The following CNOT6L variants were observed in gnomAD, a reference collection of about 807,000 sequenced individuals.
The protein encoded by CNOT6L is CCR4-NOT transcription complex subunit 6-like.
In CNOT6L, 7 loss-of-function variants were observed where a neutral mutation model predicts 64.0. That is an observed-to-expected ratio of 0.11 (90% CI 0.06 to 0.21). The LOEUF (loss-of-function observed/expected upper bound fraction) is 0.21. Ranked by LOEUF, CNOT6L falls within the 10% of genes least tolerant of loss-of-function variation. CNOT6L has a pLI of 1.00. For synonymous variants in CNOT6L, 193 were observed against 243.4 expected (o/e 0.79, Z 1.93); for missense variants, 245 against 669.0 (o/e 0.37, Z 6.99).
chr4:77,798,190 C>T (rs1238229995), intron 1 of CNOT6L, among the ~76,000 whole-genome samples: 2 of 152,068 alleles, frequency 1.3e-5, no homozygotes, highest in African/African-American at 4.8e-5. Flanking sequence ...AGCCAGGAGC[C>T]TATAGTCCTA....
chr4:77,751,698 T>C (rs1724882958), intron 5 of CNOT6L, among the ~76,000 whole-genome samples: 1 of 152,202 alleles, frequency 6.6e-6, no homozygotes, highest in Admixed American at 6.5e-5. Flanking sequence ...ACTAGATTTC[T>C]TTTAAGAAAC....
intron 10 of CNOT6L, among the ~76,000 whole-genome samples, chr4:77,728,135 A>G (rs1722075941): frequency 1.3e-5 from 2 of 152,240 alleles, no homozygotes; most frequent in Non-Finnish European, 2.9e-5. Context: ...AGTTTAGTGG[A>G]GCTCAAGAAG....
chr4:77,807,747 A>G (rs907898236), intron 1 of CNOT6L, among the ~76,000 whole-genome samples: 3 of 152,246 alleles, frequency 2.0e-5, no homozygotes, highest in Non-Finnish European at 2.9e-5. Context: ...CATAATGCTA[A>G]GAAATTTGCA....
intron 4 of CNOT6L, among the ~76,000 whole-genome samples, chr4:77,768,072 A>G (rs1262313111): frequency 6.6e-6 from 1 of 152,152 alleles, no homozygotes; most frequent in Non-Finnish European, 1.5e-5. Flanking sequence ...GATACAAGAG[A>G]ATATATTTCT....
At chr4:77,758,942 C>T (rs1725861025) in intron 4 of CNOT6L, among the ~76,000 whole-genome samples, 1 of 152,018 alleles carries the variant, frequency 6.6e-6, no homozygotes. Flanking sequence ...ACTTTGACAT[C>T]AAGTAGGGAA....
In CNOT6L at chr4:77,767,062, CAA is replaced by C. The variant is rs56926683; in HGVS notation, c.400+6017_400+6018del. Among the ~76,000 whole-genome samples the C allele has an allele frequency of 3.9e-4, 10 of 25,964 alleles. No individual in the cohort carries two copies. The South Asian group carries it at 6.4e-3, about 17-fold the overall frequency. The allele number at this position is 25,964 out of a possible 152,430, so 17.0% of individuals were successfully genotyped here. A position where few individuals can be genotyped will look rare whatever the true frequency, so the allele number is the denominator to read the frequency against. On this transcript the variant is annotated intron_variant, in intron 4 of 11. Transcript: ENST00000504123. ...TGGGCAACAGAGCGAAACTCCGTCT[CAA>C]AAAAAAAAAAAAAAAAAAAAAAGGG...
At chr4:77,727,567 A>C (rs1420386962) in intron 10 of CNOT6L, among the ~76,000 whole-genome samples, 4 of 2,068 alleles carry the variant, frequency 1.9e-3, no homozygotes, top group African/African-American at 5.1e-3. Context: ...TGTCTCAAAA[A>C]AAAAAAAAAA....
In CNOT6L at chr4:77,819,333, C is replaced by T; in HGVS notation, c.-25G>A. 2 of 1,613,442 alleles carry T rather than the reference C, an allele frequency of 1.2e-6. No individual in the cohort carries two copies. The highest frequency in any genetic ancestry group is 1.3e-5 in the African/African-American group (1 of 75,008). ...TTCTCTTCCTCTGGCCCAGAAGCAA[C>T]AGCAGCCATTTCCCCGCGGCAGGGG... On this transcript the variant is annotated 5_prime_UTR_variant, in exon 1 of 12. Coordinates refer to ENST00000504123, the MANE Select transcript of CNOT6L (RefSeq NM_144571.3).
At chr4:77,809,085 C>T (rs879220632) in intron 1 of CNOT6L, among the ~76,000 whole-genome samples, 13 of 152,084 alleles carry the variant, frequency 8.5e-5, no homozygotes, top group Admixed American at 5.2e-4. Context: ...CAAAACTCTA[C>T]GAGATAAGGA....
intron 1 of CNOT6L, among the ~76,000 whole-genome samples, chr4:77,786,453 C>T (rs1160182841): frequency 1.3e-5 from 2 of 151,818 alleles, no homozygotes. Flanking sequence ...GTCTGTATTG[C>T]TAAAGAAAAT....
At chr4:77,725,360 T>C (rs1721729267) in intron 11 of CNOT6L, among the ~76,000 whole-genome samples, 1 of 152,202 alleles carries the variant, frequency 6.6e-6, no homozygotes, top group African/African-American at 2.4e-5. Context: ...TTTCTAACAC[T>C]TGGATTTTTC....
At chr4:77,805,387 C>A (rs1015972176) in intron 1 of CNOT6L, among the ~76,000 whole-genome samples, 16 of 152,020 alleles carry the variant, frequency 1.1e-4, no homozygotes, top group African/African-American at 3.6e-4. Context: ...AGGTAATTAA[C>A]CTAGGTTCCA....
At position 77,718,002 on chromosome 4, in the gene CNOT6L, A is replaced by C. The variant is rs764246125; in HGVS notation, c.*2429T>G. 5 of 151,910 alleles carry C rather than the reference A, an allele frequency of 3.3e-5. No homozygotes were observed. Among genetic ancestry groups the C allele is most frequent in the Non-Finnish European group, 7.4e-5 (5 of 67,974 alleles). The allele number at this position is 151,910 out of a possible 1,614,324, so 9.4% of individuals were successfully genotyped here. A position where few individuals can be genotyped will look rare whatever the true frequency, so the allele number is the denominator to read the frequency against. Reference sequence around the variant, plus strand: ...CTGCAACAGAGTGCCTCGATCATACACAAAATAAACTTAAGCTGTTTACAA... The same window carrying C: ...CTGCAACAGAGTGCCTCGATCATACCCAAAATAAACTTAAGCTGTTTACAA... On this transcript the variant is annotated 3_prime_UTR_variant, in exon 12 of 12. Transcript: ENST00000504123.
intron 1 of CNOT6L, among the ~76,000 whole-genome samples, chr4:77,785,041 A>G (rs1441472531): frequency 1.3e-5 from 2 of 152,192 alleles, no homozygotes; most frequent in African/African-American, 4.8e-5. Flanking sequence ...AGACTTACTA[A>G]AACTACAGTA....
intron 1 of CNOT6L, among the ~76,000 whole-genome samples, chr4:77,779,068 A>C (rs57228527): frequency 1.0e-3 from 106 of 105,304 alleles, no homozygotes; most frequent in Non-Finnish European, 1.5e-3. Context: ...AAAAACAAAA[A>C]AAAAACACAA....
In CNOT6L at chr4:77,819,049, G is replaced by GAC. The variant is rs371841161; in HGVS notation, c.5+253_5+254dup. 0.041 allele frequency: 21,329 copies of GAC among 524,186 alleles called. 199 individuals carry two copies. Among genetic ancestry groups the GAC allele is most frequent in the Middle Eastern group, 0.054 (106 of 1,976 alleles). 32.5% of individuals were successfully genotyped at this position (524,186 alleles called of 1,614,324 possible). On this transcript the variant is annotated intron_variant, in intron 1 of 11. Coordinates refer to ENST00000504123, the MANE Select transcript of CNOT6L (RefSeq NM_144571.3). ...GGGGTCCCGGCCCCGGGCCACCCCC[G>GAC]ACACACACACACACACACACACACA...
At chr4:77,817,903 A>G (rs1733752717) in intron 1 of CNOT6L, among the ~76,000 whole-genome samples, 1 of 152,268 alleles carries the variant, frequency 6.6e-6, no homozygotes, top group Admixed American at 6.5e-5. Context: ...TACAAATGTA[A>G]TGAGGTTGGA....
At chr4:77,765,676 A>G (rs922288065) in intron 4 of CNOT6L, among the ~76,000 whole-genome samples, 4 of 152,182 alleles carry the variant, frequency 2.6e-5, no homozygotes, top group Admixed American at 6.5e-5. Context: ...GAATCAGTCT[A>G]CTATGGGCCT....
At chr4:77,797,055 C>T (rs774770231) in intron 1 of CNOT6L, among the ~76,000 whole-genome samples, 4 of 116,762 alleles carry the variant, frequency 3.4e-5, no homozygotes, top group East Asian at 3.0e-4. Context: ...TGCAGTGAGC[C>T]GTGATGGTGC....
Sources: gnomAD v4.1 joint callset for allele counts (sites outside exome capture counted in the v4.1 genomes callset) on GRCh38, gnomAD v4.1.1 for gene constraint, MANE v1.5 for transcripts, NCBI Gene and HGNC (gene_info 2026-07-23, HGNC 2026-07-21) for gene names.